Variants in SLC29A1 observed in about 807,000 individuals in gnomAD.
The protein encoded by SLC29A1 is equilibrative nucleoside transporter 1.
A neutral mutation model predicts 48.3 loss-of-function variants in SLC29A1; 22 were observed. The observed-to-expected ratio is 0.46, with a 90% CI of 0.33 to 0.65. The LOEUF is 0.65. Among genes scored for constraint, SLC29A1 ranks in the 30% least tolerant of loss-of-function variants. The probability of loss-of-function intolerance (pLI) is 0.03; values close to 1 mark genes in which losing one functional copy is unlikely to be tolerated. For missense variants in SLC29A1, 491 were observed against 575.3 expected, an observed-to-expected ratio of 0.85 and a Z score of 1.50; for synonymous variants, 228 against 231.0, an observed-to-expected ratio of 0.99 and a Z score of 0.12.
intron 1 of SLC29A1, chr6:44,226,928 A>G: frequency 9.3e-7 from 1 of 1,073,408 alleles, no homozygotes; most frequent in South Asian, 2.9e-5. Context: ...CCTCCCTCCC[A>G]TCATCTTTCC....
upstream of SLC29A1, among the ~76,000 whole-genome samples, chr6:44,220,618 G>T (rs1434809547): frequency 1.3e-5 from 2 of 148,742 alleles, no homozygotes; most frequent in Non-Finnish European, 3.0e-5. Context: ...TTCGAGACCA[G>T]CCTGACCAAC....
At chr6:44,221,568 A>C (rs1582920146), upstream of SLC29A1, 3 of 1,149,732 alleles carry the variant, frequency 2.6e-6, no homozygotes, top group Non-Finnish European at 3.5e-6. The surrounding 1 kb of genome is among the most constrained non-coding windows in gnomAD (Gnocchi z 4.2). Flanking sequence ...AACCCTTCCC[A>C]CCCCACCCCT....
At chr6:44,230,183 G>C in intron 5 of SLC29A1, 137 bp downstream of exon 5, 1 of 1,482,126 alleles carries the variant, frequency 6.7e-7, no homozygotes. Context: ...CTGGGATTCA[G>C]AGGCCTGAGT....
chr6:44,224,358 C>CA (rs1262821392), intron 1 of SLC29A1, among the ~76,000 whole-genome samples: 2 of 151,480 alleles, frequency 1.3e-5, no homozygotes, highest in East Asian at 3.9e-4. Context: ...CTCCCCATGC[C>CA]AGGATGTGTG....
At chr6:44,219,868 A>C, upstream of SLC29A1, 1 of 1,007,240 alleles carries the variant, frequency 9.9e-7, no homozygotes, top group Non-Finnish European at 1.3e-6. Context: ...CGGGCGGGAC[A>C]GGGGGCCAGT....
chr6:44,233,345 T>A, intron 12 of SLC29A1, 72 bp from the exon 13 acceptor site: 1 of 1,290,190 alleles, frequency 7.8e-7, no homozygotes, highest in Non-Finnish European at 1.1e-6. Context: ...ACCCCACCCC[T>A]CCTTCCACCC....
chr6:44,223,941 A>T lies in SLC29A1; in HGVS notation c.-52+300A>T. ...CAAGGGGCAGGCGAGTGGACGGGTGATCCCCATCGATCTGGTCGGTATCAG... is the reference window on the plus strand; with the variant it reads ...CAAGGGGCAGGCGAGTGGACGGGTGTTCCCCATCGATCTGGTCGGTATCAG... On this transcript the variant is annotated intron_variant, in intron 1 of 12. Coordinates refer to ENST00000371755, the MANE Select transcript of SLC29A1 (RefSeq NM_001372327.1). The surrounding 1 kb of genome is among the most constrained non-coding windows in gnomAD (Gnocchi z 5.0). 3.0e-6 allele frequency: 3 copies of T among 988,856 alleles called. No individual in the cohort carries two copies. Among genetic ancestry groups the T allele is most frequent in the South Asian group, 4.6e-5 (1 of 21,950 alleles). The allele number at this position is 988,856 out of a possible 1,614,324, so 61.3% of individuals were successfully genotyped here.
At chr6:44,223,276 G>A (rs908971043), upstream of SLC29A1, among the ~76,000 whole-genome samples, 4 of 151,714 alleles carry the variant, frequency 2.6e-5, no homozygotes, top group Non-Finnish European at 5.9e-5. The surrounding 1 kb of genome is among the most constrained non-coding windows in gnomAD (Gnocchi z 5.0). Context: ...GAACAGTCCC[G>A]AGATGAATTT....
chr6:44,232,371 C>G lies in SLC29A1; in HGVS notation c.1002C>G (p.Phe334Leu). ...GTTACTTCATTCCTGTGTCCTGTTT[C>G]TTGACTTTCAATATCTTTGACTGGT... ...WERYFIPVSC[F>L]LTFNIFDWLG... The change falls in exon 11 of 13, where the codon TTC becomes TTG. Residue 334 changes from phenylalanine (F) to leucine (L), a missense_variant. Physicochemically the swap from Phe to Leu is conservative, Grantham distance 22. Transcript: ENST00000371755. This position sits in a 1 kb window ranked among gnomAD's most constrained non-coding sequence, Gnocchi z 4.7. 1 of 1,613,738 alleles carries G rather than the reference C, an allele frequency of 6.2e-7. No individual in the cohort carries two copies. The highest frequency in any genetic ancestry group is 1.7e-4 in the Middle Eastern group (1 of 6,058).
chr6:44,219,877 G>A, upstream of SLC29A1: 1 of 874,172 alleles, frequency 1.1e-6, no homozygotes. Context: ...CAGGGGGCCA[G>A]TAGGGGGACC....
At chr6:44,223,517 A>G (rs11752118), upstream of SLC29A1, 348,579 of 1,062,134 alleles carry the variant, frequency 0.33, 58,215 homozygotes, top group South Asian at 0.37. The surrounding 1 kb of genome is among the most constrained non-coding windows in gnomAD (Gnocchi z 5.0). Flanking sequence ...GGCGTCGGGG[A>G]GGTGGCAGTG....
In SLC29A1 at chr6:44,227,317, A is replaced by T. The variant is rs1338297032; in HGVS notation, c.4A>T (p.Thr2Ser). 1 of 1,614,118 alleles carries T rather than the reference A, an allele frequency of 6.2e-7. No individual in the cohort carries two copies. The highest frequency in any genetic ancestry group is 2.2e-5 in the East Asian group (1 of 44,882). ...GAAAACCGAGAACACCATCACCATG[A>T]CAACCAGTCACCAGCCTCAGGACAG... M[T>S]TSHQPQDRYK... is the part of the protein sequence containing the mutation. The change falls in exon 2 of 13, where the codon ACA (threonine) becomes TCA (serine). Residue 2 changes from threonine (T) to serine (S), a missense_variant. Thr to Ser is a moderately conservative substitution (Grantham distance 58). Coordinates refer to ENST00000371755, the MANE Select transcript of SLC29A1 (RefSeq NM_001372327.1).
At chr6:44,221,632 G>C, upstream of SLC29A1, 1 of 1,289,826 alleles carries the variant, frequency 7.8e-7, no homozygotes, top group Non-Finnish European at 1.0e-6. This position sits in a 1 kb window ranked among gnomAD's most constrained non-coding sequence, Gnocchi z 4.2. Context: ...AGACCAGGCA[G>C]AGACTGAAGA....
intron 2 of SLC29A1, among the ~76,000 whole-genome samples, chr6:44,227,984 C>T (rs1352156110): frequency 6.6e-6 from 1 of 152,216 alleles, no homozygotes; most frequent in African/African-American, 2.4e-5. Context: ...CCCCATCTCC[C>T]TCCTGTGCCA....
upstream of SLC29A1, among the ~76,000 whole-genome samples, chr6:44,220,917 T>C (rs1391778330): frequency 6.6e-6 from 1 of 152,234 alleles, no homozygotes; most frequent in Non-Finnish European, 1.5e-5. Context: ...TCTTGCTCTG[T>C]TGCCCAGGCT....
chr6:44,229,414 C>T lies in SLC29A1; in HGVS notation c.54C>T (p.Phe18=), dbSNP rs1490644375. Reference sequence around the variant, plus strand: ...GATACAAAGCTGTCTGGCTTATCTTCTTCATGCTGGGTCTGGGAACGCTGC... The same window carrying T: ...GATACAAAGCTGTCTGGCTTATCTTTTTCATGCTGGGTCTGGGAACGCTGC... The part of the protein sequence containing the change: ...QDRYKAVWLI[F]FMLGLGTLLP... Residue 18 remains phenylalanine (F), a synonymous_variant, in exon 3 of 13, where the codon TTC becomes TTT. Transcript: ENST00000371755. The surrounding 1 kb of genome is among the most constrained non-coding windows in gnomAD (Gnocchi z 5.1). 1.5e-5 allele frequency: 24 copies of T among 1,614,012 alleles called. No homozygotes were observed. The highest frequency in any genetic ancestry group is 2.0e-5 in the Non-Finnish European group (24 of 1,180,020).
upstream of SLC29A1, chr6:44,223,591 C>G (rs1014101182): frequency 1.6e-6 from 2 of 1,214,450 alleles, no homozygotes; most frequent in East Asian, 1.9e-4. This position sits in a 1 kb window ranked among gnomAD's most constrained non-coding sequence, Gnocchi z 5.0. Flanking sequence ...GAGAGGGAAG[C>G]TGCAGCGAGA....
intron 2 of SLC29A1, 75 bp downstream of exon 2, chr6:44,227,417 TG>T: frequency 5.2e-6 from 7 of 1,350,456 alleles, no homozygotes; most frequent in Non-Finnish European, 7.4e-6. Context: ...CCTTTGGAAT[TG>T]GGGGTTGCCA....
intron 2 of SLC29A1, among the ~76,000 whole-genome samples, chr6:44,228,775 G>T (rs1449869151): frequency 6.6e-6 from 1 of 152,182 alleles, no homozygotes; most frequent in Admixed American, 6.5e-5. Flanking sequence ...GCCTCCAGTG[G>T]CCCCATACCT....
Sources: gnomAD v4.1 joint callset for allele counts (sites outside exome capture counted in the v4.1 genomes callset) on GRCh38, gnomAD v4.1.1 for gene constraint, Gnocchi (gnomAD v3.1) non-coding constraint, MANE v1.5 for transcripts, NCBI Gene and HGNC (gene_info 2026-07-23, HGNC 2026-07-21) for gene names.